CCDC102B: variants seen among roughly 807,000 people sequenced by gnomAD.
CCDC102B encodes coiled-coil domain-containing protein 102B.
CCDC102B carries 75 observed loss-of-function variants against 57.4 expected under a neutral mutation model. The observed-to-expected ratio is 1.31, with a 90% CI of 1.08 to 1.58. The LOEUF is 1.58. CCDC102B is among the 40% of genes most tolerant of loss of function. The pLI, the probability that CCDC102B is intolerant of heterozygous loss-of-function variation, is 0.00. For synonymous variants in CCDC102B, 206 were observed against 201.9 expected (o/e 1.02, Z -0.17); for missense variants, 636 against 582.6 (o/e 1.09, Z -0.94).
chr18:68,952,716 A>C (rs1382421342), intron 6 of CCDC102B, among the ~76,000 whole-genome samples: 1 of 152,192 alleles, frequency 6.6e-6, no homozygotes, highest in African/African-American at 2.4e-5. Flanking sequence ...CAGTATTATT[A>C]CCACTACTTG....
At chr18:69,000,271 C>CA (rs1417208812) in intron 6 of CCDC102B, among the ~76,000 whole-genome samples, 2 of 152,078 alleles carry the variant, frequency 1.3e-5, no homozygotes, top group Non-Finnish European at 2.9e-5. Flanking sequence ...TTACCATGCA[C>CA]AATGGCCCTT....
chr18:68,842,240 T>C (rs1232201572), intron 3 of CCDC102B, among the ~76,000 whole-genome samples: 2 of 75,846 alleles, frequency 2.6e-5, no homozygotes, highest in Non-Finnish European at 7.0e-5. Context: ...ATATAAAGTA[T>C]ATATATATAT....
chr18:68,731,449 G>A (rs907970906), intron 2 of CCDC102B, among the ~76,000 whole-genome samples: 4 of 151,700 alleles, frequency 2.6e-5, no homozygotes, highest in African/African-American at 4.8e-5. Flanking sequence ...TCCTTCCCCC[G>A]ACTTGGAATC....
intron 6 of CCDC102B, among the ~76,000 whole-genome samples, chr18:68,904,886 T>C (rs7243459): frequency 0.9 from 137,096 of 152,176 alleles, 61,833 homozygotes; most frequent in Admixed American, 0.92. Flanking sequence ...TCTCTTATAC[T>C]ATTCACTGCT....
chr18:68,815,045 T>C (rs1241833991), intron 1 of CCDC102B, among the ~76,000 whole-genome samples: 1 of 152,200 alleles, frequency 6.6e-6, no homozygotes, highest in African/African-American at 2.4e-5. Flanking sequence ...TCTTTACTAT[T>C]ATTTGTTAAA....
At chr18:68,759,325 TAA>T (rs2034174247) in intron 2 of CCDC102B, among the ~76,000 whole-genome samples, 1 of 152,124 alleles carries the variant, frequency 6.6e-6, no homozygotes, top group Admixed American at 6.6e-5. Flanking sequence ...TATAGGAACT[TAA>T]AGAAATGAGT....
chr18:68,927,287 C>A (rs2145127682), intron 6 of CCDC102B, among the ~76,000 whole-genome samples: 2 of 152,092 alleles, frequency 1.3e-5, no homozygotes, highest in Middle Eastern at 6.8e-3. Context: ...ATAACACATT[C>A]ATAATGCTCG....
chr18:68,763,724 GACAA>G (rs2034329984), intron 2 of CCDC102B, among the ~76,000 whole-genome samples: 1 of 134,340 alleles, frequency 7.4e-6, no homozygotes, highest in Non-Finnish European at 1.5e-5. Context: ...CCTCAATACA[GACAA>G]ATATTCCTCA....
At chr18:68,823,705 C>T (rs541679592) in intron 1 of CCDC102B, among the ~76,000 whole-genome samples, 40 of 152,288 alleles carry the variant, frequency 2.6e-4, no homozygotes, top group African/African-American at 9.4e-4. Context: ...ACTCTGCAGC[C>T]TCACCAGCAT....
intron 6 of CCDC102B, among the ~76,000 whole-genome samples, chr18:68,914,516 T>A (rs1200643351): frequency 6.6e-6 from 1 of 152,214 alleles, no homozygotes; most frequent in Non-Finnish European, 1.5e-5. Context: ...TGTGGATGCA[T>A]TAAAATAAAC....
At chr18:69,040,821 A>G (rs1057035194) in intron 7 of CCDC102B, among the ~76,000 whole-genome samples, 6 of 152,030 alleles carry the variant, frequency 3.9e-5, no homozygotes, top group Admixed American at 3.3e-4. Context: ...TGTTTCTGAG[A>G]GGTTAAATTA....
intron 4 of CCDC102B, among the ~76,000 whole-genome samples, chr18:68,847,531 A>G (rs1029793379): frequency 1.3e-5 from 2 of 151,926 alleles, no homozygotes; most frequent in Non-Finnish European, 2.9e-5. Context: ...TGTAGCAAAT[A>G]TACTGAAAAA....
intron 4 of CCDC102B, chr18:68,866,771 T>C: frequency 1.5e-6 from 1 of 664,178 alleles, no homozygotes; most frequent in Admixed American, 1.8e-5. Flanking sequence ...GTCTGTCTTT[T>C]TGGTATGTCG....
At chr18:68,856,435 C>T (rs1234278928) in intron 4 of CCDC102B, among the ~76,000 whole-genome samples, 1 of 152,100 alleles carries the variant, frequency 6.6e-6, no homozygotes, top group Non-Finnish European at 1.5e-5. Context: ...GGACTACAGG[C>T]ATGTACCACC....
At chr18:68,765,664 C>T (rs907249092) in intron 2 of CCDC102B, among the ~76,000 whole-genome samples, 7 of 152,042 alleles carry the variant, frequency 4.6e-5, no homozygotes, top group Admixed American at 1.3e-4. Context: ...TTAGCAAGAA[C>T]AAAAATTAAT....
chr18:68,914,247 AC>A (rs1240700047), intron 6 of CCDC102B, among the ~76,000 whole-genome samples: 1 of 151,884 alleles, frequency 6.6e-6, no homozygotes, highest in East Asian at 1.9e-4. Flanking sequence ...TCCTCCAGTT[AC>A]TCCTGTTTCC....
chr18:68,770,195 C>T (rs1054855854), intron 2 of CCDC102B, among the ~76,000 whole-genome samples: 1 of 152,150 alleles, frequency 6.6e-6, no homozygotes, highest in Non-Finnish European at 1.5e-5. Flanking sequence ...GGTAAGAAAT[C>T]TCTTGTTAAA....
rs561226675 is a variant in CCDC102B at position 68,742,021 on chromosome 18, T to C, written c.-67+25427T>C. ...CAAACATCAAAAAATGGAGGCTGAC[T>C]GTGTGTTAGCTTCCTAGGGCTGCTG... On this transcript the variant is annotated intron_variant, in intron 2 of 3. Coordinates refer to the CCDC102B transcript ENST00000578970. Among the ~76,000 whole-genome samples, 4 of 152,320 alleles carry C rather than the reference T, an allele frequency of 2.6e-5. No individual in the cohort carries two copies. In the East Asian group the frequency reaches 7.7e-4, roughly 29 times the overall value.
At chr18:69,022,975 G>A (rs1200884823) in intron 7 of CCDC102B, among the ~76,000 whole-genome samples, 4 of 149,334 alleles carry the variant, frequency 2.7e-5, no homozygotes, top group Non-Finnish European at 5.9e-5. Flanking sequence ...CCTAAAATCC[G>A]TGCTTAGTTA....
Sources: allele counts gnomAD v4.1 joint callset (sites outside exome capture counted in the v4.1 genomes callset), GRCh38; gene constraint gnomAD v4.1.1; transcripts MANE v1.5; gene names NCBI Gene and HGNC (gene_info 2026-07-23, HGNC 2026-07-21).